The following GALNT16 variants were observed in gnomAD, a reference collection of about 807,000 sequenced individuals.
The protein encoded by GALNT16 is polypeptide N-acetylgalactosaminyltransferase 16, also known as UDP-GalNAc:polypeptide N-acetylgalactosaminyltransferase-like protein 1.
GALNT16 carries 40 observed loss-of-function variants against 76.1 expected under a neutral mutation model. The observed-to-expected ratio is 0.53, with a 90% CI of 0.41 to 0.68. The LOEUF (loss-of-function observed/expected upper bound fraction) is 0.68, where lower values mean the gene tolerates loss of function less well. Among genes scored for constraint, GALNT16 ranks in the 30% least tolerant of loss-of-function variants. The pLI is 0.00. For missense variants in GALNT16, 621 were observed against 731.9 expected, an observed-to-expected ratio of 0.85 and a Z score of 1.75; for synonymous variants, 276 against 285.2, an observed-to-expected ratio of 0.97 and a Z score of 0.32.
intron 1 of GALNT16, among the ~76,000 whole-genome samples, chr14:69,262,852 C>A (rs2044294232): frequency 6.6e-6 from 1 of 151,570 alleles, no homozygotes; most frequent in Non-Finnish European, 1.5e-5. Flanking sequence ...TGCATCCCCA[C>A]ATTGATGCAC....
At chr14:69,272,380 A>C (rs906729424) in intron 1 of GALNT16, among the ~76,000 whole-genome samples, 11 of 152,020 alleles carry the variant, frequency 7.2e-5, no homozygotes, top group African/African-American at 1.2e-4. Context: ...TAAATAAATA[A>C]ATACATAAAT....
At chr14:69,334,114 A>G (rs544532430) in intron 9 of GALNT16, among the ~76,000 whole-genome samples, 23 of 152,362 alleles carry the variant, frequency 1.5e-4, no homozygotes, top group Admixed American at 1.0e-3. Flanking sequence ...GTACTAAATG[A>G]GGTGATGAGT....
the GALNT16 span, among the ~76,000 whole-genome samples, chr14:69,378,338 G>A: frequency 6.6e-6 from 1 of 152,194 alleles, no homozygotes; most frequent in Non-Finnish European, 1.5e-5. Context: ...ATCGGAAATT[G>A]TATAATCTGT....
chr14:69,377,375 T>G, the GALNT16 span, among the ~76,000 whole-genome samples: 2 of 152,226 alleles, frequency 1.3e-5, no homozygotes, highest in Non-Finnish European at 2.9e-5. Context: ...TTACCATTAA[T>G]AGAGATATAA....
rs200984082 is a variant in GALNT16 at position 69,326,022 on chromosome 14, G to T, written c.563G>T (p.Arg188Leu). ...PKVKCLRNDR[R>L]EGLIRSRVRG... ...GTCAAGTGCCTGCGCAATGATCGGC[G>T]GGAAGGTGAGTCCTTGCACCCTGGG... Residue 188 changes from arginine (R) to leucine (L), a missense_variant, in exon 5 of 15, where the codon CGG becomes CTG. By Grantham distance (102) the Arg-to-Leu change is moderately radical. Coordinates refer to ENST00000448469, the MANE Select transcript of GALNT16 (RefSeq NM_001168368.2). The T allele has an allele frequency of 6.2e-7, 1 of 1,613,080 alleles. No individual in the cohort carries two copies. The highest frequency in any genetic ancestry group is 1.1e-5 in the South Asian group (1 of 91,068).
chr14:69,339,662 T>A, intron 11 of GALNT16, 43 bp downstream of exon 11: 1 of 1,217,782 alleles, frequency 8.2e-7, no homozygotes, highest in Non-Finnish European at 1.2e-6. Flanking sequence ...TCTACCCACA[T>A]TAGCACAACC....
rs2045035427 is a variant in GALNT16, at chr14:69,312,133, C to T, written c.178-8578C>T. Among the ~76,000 whole-genome samples, 2 of 151,596 alleles carry T rather than the reference C, an allele frequency of 1.3e-5. 1 individual carries two copies. The highest frequency in any genetic ancestry group is 1.3e-4 in the Admixed American group (2 of 15,240). On this transcript the variant is annotated intron_variant, in intron 1 of 14. Coordinates refer to ENST00000448469, the MANE Select transcript of GALNT16 (RefSeq NM_001168368.2). ...TATCTATCTGTCTAATATATATAGT[C>T]CCAGCTACTCAGGAGACTGAGGTGG...
chr14:69,303,291 C>A lies in GALNT16; in HGVS notation c.178-17420C>A, dbSNP rs566357610. On this transcript the variant is annotated intron_variant, in intron 1 of 14. Coordinates refer to ENST00000448469, the MANE Select transcript of GALNT16 (RefSeq NM_001168368.2). The stretch of plus-strand genomic sequence containing the variant: ...TCCAAGATAGCTAAAATGGATGGGG[C>A]CTGAAGGTGCTAAAGAACCCAAAGG... Among the ~76,000 whole-genome samples, 4 of 152,194 alleles carry A rather than the reference C, an allele frequency of 2.6e-5. No homozygotes were observed. The South Asian group carries it at 8.3e-4, about 32-fold the overall frequency.
the GALNT16 span, among the ~76,000 whole-genome samples, chr14:69,378,144 G>A: frequency 2.6e-5 from 4 of 152,298 alleles, no homozygotes; most frequent in East Asian, 5.8e-4. Context: ...ACCTGTTTGA[G>A]CATTTAGTAA....
chr14:69,330,635 G>T (rs2045341117), intron 6 of GALNT16, among the ~76,000 whole-genome samples: 1 of 152,200 alleles, frequency 6.6e-6, no homozygotes, highest in Non-Finnish European at 1.5e-5. Context: ...TCTAGGGTGG[G>T]AACTGAGGGG....
rs139711439 is a variant in GALNT16 at position 69,288,395 on chromosome 14, AC to A, written c.177+27930del. 2.8e-3 allele frequency among the ~76,000 whole-genome samples: 427 copies of A among 152,158 alleles called. 2 individuals carry two copies. Among genetic ancestry groups the A allele is most frequent in the African/African-American group, 9.8e-3 (408 of 41,510 alleles). On this transcript the variant is annotated intron_variant, in intron 1 of 14. Coordinates refer to ENST00000448469, the MANE Select transcript of GALNT16 (RefSeq NM_001168368.2). Reference sequence around the variant, plus strand: ...CAGGTTGACAGCCTGCAGCAAAGAAACCTCTGATGCAATTGGTGGTGAATGA... The same window carrying A: ...CAGGTTGACAGCCTGCAGCAAAGAAACTCTGATGCAATTGGTGGTGAATGA...
At position 69,352,070 on chromosome 14, in the gene GALNT16, A is replaced by C. The variant is rs774133178; in HGVS notation, c.1579A>C (p.Ser527Arg). 1.9e-6 allele frequency: 3 copies of C among 1,614,010 alleles called. No homozygotes were observed. The highest frequency in any genetic ancestry group is 1.1e-5 in the South Asian group (1 of 91,050). The change falls in exon 15 of 15, where the codon AGT becomes CGT. Residue 527 changes from serine to arginine, a missense_variant. Ser to Arg is a moderately radical substitution (Grantham distance 110). Transcript: ENST00000448469. Reference protein sequence around the residue: ...RKGSFIQHSVSGLCLETKPAQ... With the variant: ...RKGSFIQHSVRGLCLETKPAQ... ...AGGATCTTTCATCCAGCATTCAGTC[A>C]GTGGCCTCTGCCTGGAGACAAAGCC...
intron 9 of GALNT16, 47 bp from the exon 10 acceptor site, chr14:69,338,604 T>C: frequency 6.3e-7 from 1 of 1,599,992 alleles, no homozygotes; most frequent in Non-Finnish European, 8.6e-7. Context: ...CCACCCTCAC[T>C]TGCCAAGGAA....
chr14:69,382,219 C>A, the GALNT16 span, among the ~76,000 whole-genome samples: 1 of 152,334 alleles, frequency 6.6e-6, no homozygotes, highest in Non-Finnish European at 1.5e-5. Flanking sequence ...AGGTCACAAT[C>A]TGGTTTATTA....
At chr14:69,366,929 A>G in the GALNT16 span, among the ~76,000 whole-genome samples, 1 of 152,222 alleles carries the variant, frequency 6.6e-6, no homozygotes, top group African/African-American at 2.4e-5. Context: ...ATGTCAGAAC[A>G]TGCTGGGGTG....
At chr14:69,305,132 C>T (rs1292667214) in intron 1 of GALNT16, among the ~76,000 whole-genome samples, 7 of 134,084 alleles carry the variant, frequency 5.2e-5, no homozygotes, top group African/African-American at 8.5e-5. Flanking sequence ...CAACACTTGT[C>T]TTTTTTTTTT....
In GALNT16 at chr14:69,324,778, G is replaced by T. The variant is rs376979631; in HGVS notation, c.422G>T (p.Arg141Leu). Residue 141 changes from arginine to leucine, a missense_variant, in exon 3 of 15, where the codon CGC becomes CTC. Transcript: ENST00000448469. ...FHNEARSTLL[R>L]TVKSVLNRTP... ...AATGAGGCCCGTTCCACCCTGCTGC[G>T]CACAGTGAAGAGGTAAGTCCAGCCA... The T allele has an allele frequency of 6.2e-7, 1 of 1,606,470 alleles. No homozygotes were observed. The highest frequency in any genetic ancestry group is 8.5e-7 in the Non-Finnish European group (1 of 1,175,086).
chr14:69,265,926 C>T (rs1431791252), intron 1 of GALNT16, among the ~76,000 whole-genome samples: 4 of 152,200 alleles, frequency 2.6e-5, no homozygotes, highest in Non-Finnish European at 5.9e-5. Context: ...ATGGTGATGA[C>T]ATTCGTTGGA....
intron 1 of GALNT16, among the ~76,000 whole-genome samples, chr14:69,313,455 C>T (rs1163457175): frequency 1.3e-5 from 2 of 152,204 alleles, no homozygotes; most frequent in African/African-American, 2.4e-5. Flanking sequence ...GGGCCTGATG[C>T]CTTGGCCTAG....
Sources: gnomAD v4.1 joint callset for allele counts (sites outside exome capture counted in the v4.1 genomes callset) on GRCh38, gnomAD v4.1.1 for gene constraint, MANE v1.5 for transcripts, NCBI Gene and HGNC (gene_info 2026-07-23, HGNC 2026-07-21) for gene names.